Variants in CHD7 observed in about 807,000 individuals in gnomAD.
CHD7 encodes the protein chromodomain helicase DNA binding protein 7.
In CHD7, 24 loss-of-function variants were observed where a neutral mutation model predicts 307.3. The observed-to-expected ratio is 0.08, with a 90% CI of 0.06 to 0.11. The LOEUF is 0.11. CHD7 is among the 10% of genes least tolerant of loss of function. The pLI is 1.00. For synonymous variants in CHD7, 1,363 were observed against 1,349.9 expected (o/e 1.01, Z -0.21); for missense variants, 3,106 against 3,727.1 (o/e 0.83, Z 4.34).
At position 60,845,327 on chromosome 8, in the gene CHD7, G is replaced by A; in HGVS notation, c.5128G>A (p.Ala1710Thr). ...GAGCACACAGCCGGTGGTGCAGGATGCCGACTGGCTGGCCAGCTGCAACCC... is the reference window on the plus strand; with the variant it reads ...GAGCACACAGCCGGTGGTGCAGGATACCGACTGGCTGGCCAGCTGCAACCC... Reference protein sequence around the residue: ...AQSTQPVVQDADWLASCNPDA... With the variant: ...AQSTQPVVQDTDWLASCNPDA... Residue 1710 changes from alanine to threonine, a missense_variant, in exon 23 of 38, where the codon GCC becomes ACC. By Grantham distance (58) the Ala-to-Thr change is moderately conservative. Coordinates refer to ENST00000423902, the MANE Select transcript of CHD7 (RefSeq NM_017780.4). 1 of 1,614,002 alleles carries A rather than the reference G, an allele frequency of 6.2e-7. No individual in the cohort carries two copies. Among genetic ancestry groups the A allele is most frequent in the Non-Finnish European group, 8.5e-7 (1 of 1,179,890 alleles).
chr8:60,751,830 A>G (rs1292339751), intron 2 of CHD7, among the ~76,000 whole-genome samples: 1 of 152,254 alleles, frequency 6.6e-6, no homozygotes, highest in Non-Finnish European at 1.5e-5. Context: ...CAAAATGCCA[A>G]GAAATTGACA....
intron 2 of CHD7, among the ~76,000 whole-genome samples, chr8:60,768,330 C>T (rs1156986541): frequency 6.6e-6 from 1 of 152,198 alleles, no homozygotes; most frequent in Non-Finnish European, 1.5e-5. Context: ...GAAGTTGAGG[C>T]ATCTTGAGTT....
intron 2 of CHD7, among the ~76,000 whole-genome samples, chr8:60,753,294 CTGTG>C (rs1809728293): frequency 6.6e-6 from 1 of 152,212 alleles, no homozygotes; most frequent in Non-Finnish European, 1.5e-5. Flanking sequence ...GAATAAGGCG[CTGTG>C]GGAACCCCTG....
In CHD7 at chr8:60,691,173, C is replaced by T. The variant is rs773881228; in HGVS notation, c.-175+12091C>T. Among the ~76,000 whole-genome samples, 4 of 152,302 alleles carry T rather than the reference C, an allele frequency of 2.6e-5. No individual in the cohort carries two copies. The South Asian group carries it at 6.2e-4, about 24-fold the overall frequency. On this transcript the variant is annotated intron_variant, in intron 1 of 37. Transcript: ENST00000423902. ...ACTCCTCACCTCAGCTGATCCACCTCGGCCTCCCACAGTGCTGGGATTACA... is the reference window on the plus strand; with the variant it reads ...ACTCCTCACCTCAGCTGATCCACCTTGGCCTCCCACAGTGCTGGGATTACA...
chr8:60,764,353 A>C (rs1242236339), intron 2 of CHD7, among the ~76,000 whole-genome samples: 2 of 152,200 alleles, frequency 1.3e-5, no homozygotes, highest in Non-Finnish European at 2.9e-5. Flanking sequence ...AATTATGTAC[A>C]ATGAAATCAC....
intron 2 of CHD7, among the ~76,000 whole-genome samples, chr8:60,777,144 T>TA (rs1215956685): frequency 6.6e-6 from 1 of 152,242 alleles, no homozygotes; most frequent in Admixed American, 6.5e-5. Context: ...AGTACCATGT[T>TA]ATTCTGGTCC....
intron 1 of CHD7, among the ~76,000 whole-genome samples, chr8:60,708,262 C>T (rs1234156945): frequency 6.6e-6 from 1 of 152,170 alleles, no homozygotes; most frequent in Non-Finnish European, 1.5e-5. Context: ...GGCTTTCTCC[C>T]CAACCATTCT....
intron 3 of CHD7, among the ~76,000 whole-genome samples, chr8:60,783,446 T>C (rs935291084): frequency 3.3e-5 from 5 of 152,194 alleles, no homozygotes; most frequent in African/African-American, 1.2e-4. Context: ...GCAAGCCTCA[T>C]AGGCTTGCTG....
At chr8:60,864,559 A>G (rs1806154877) in intron 37 of CHD7, 2 of 184,134 alleles carry the variant, frequency 1.1e-5, no homozygotes, top group South Asian at 2.2e-4. Flanking sequence ...TGTTGGGTAG[A>G]TGAGGTATGC....
intron 1 of CHD7, among the ~76,000 whole-genome samples, chr8:60,701,838 T>A (rs1333673408): frequency 6.6e-6 from 1 of 152,194 alleles, no homozygotes; most frequent in South Asian, 2.1e-4. Flanking sequence ...CCATCATCAT[T>A]TTGGCTTGTT....
chr8:60,828,780 T>A lies in CHD7; in HGVS notation c.3496T>A (p.Phe1166Ile). ...FPSETTFMQE[F>I]GDLKTEEQVQ... ...TTCAGAAACCACATTTATGCAAGAA[T>A]TTGGTGATCTAAAAACAGAAGAGCA... is the stretch of plus-strand genomic sequence containing the variant. Residue 1166 changes from phenylalanine (F) to isoleucine (I), a missense_variant, in exon 14 of 38, where the codon TTT (phenylalanine) becomes ATT (isoleucine). By Grantham distance (21) the Phe-to-Ile change is conservative (BLOSUM62 0). Coordinates refer to ENST00000423902, the MANE Select transcript of CHD7 (RefSeq NM_017780.4). The A allele has an allele frequency of 6.2e-7, 1 of 1,613,696 alleles. No individual in the cohort carries two copies. Among genetic ancestry groups the A allele is most frequent in the Non-Finnish European group, 8.5e-7 (1 of 1,179,724 alleles).
chr8:60,731,527 G>A (rs901952892), intron 1 of CHD7, among the ~76,000 whole-genome samples: 1 of 152,146 alleles, frequency 6.6e-6, no homozygotes, highest in Non-Finnish European at 1.5e-5. Context: ...CGTATCCCCA[G>A]GATGAAGGGG....
intron 23 of CHD7, among the ~76,000 whole-genome samples, chr8:60,848,239 A>G (rs1805297716): frequency 6.6e-6 from 1 of 152,220 alleles, no homozygotes; most frequent in Non-Finnish European, 1.5e-5. Context: ...CACAAGCTGC[A>G]CTAGGTAGAA....
intron 14 of CHD7, among the ~76,000 whole-genome samples, chr8:60,829,410 C>T (rs957311591): frequency 6.6e-6 from 1 of 151,968 alleles, no homozygotes; most frequent in African/African-American, 2.4e-5. Context: ...CCAGCCTGGC[C>T]AATATGGTGA....
Position 60,852,150 on chromosome 8 carries a change from G to A in CHD7, c.5797G>A (p.Ala1933Thr), listed in dbSNP as rs1418642683. The change falls in exon 29 of 38, where the codon GCC becomes ACC. Residue 1933 changes from alanine (A) to threonine (T), a missense_variant. Ala to Thr is a moderately conservative substitution (Grantham distance 58). Coordinates refer to ENST00000423902, the MANE Select transcript of CHD7 (RefSeq NM_017780.4). Reference sequence around the variant, plus strand: ...TAAAAGGCAACAGATGAGGCAAGAGGCCCTAATGAAGACTGACCGGCGCAG... The same window carrying A: ...TAAAAGGCAACAGATGAGGCAAGAGACCCTAATGAAGACTGACCGGCGCAG... The part of the protein sequence containing the change: ...SYKRQQMRQE[A>T]LMKTDRRRRR... 16 of 1,613,906 alleles carry A rather than the reference G, an allele frequency of 9.9e-6. No homozygotes were observed. Among genetic ancestry groups the A allele is most frequent in the Non-Finnish European group, 1.3e-5 (15 of 1,179,908 alleles).
chr8:60,819,228 C>A (rs1803905035), intron 8 of CHD7, among the ~76,000 whole-genome samples: 1 of 152,208 alleles, frequency 6.6e-6, no homozygotes, highest in South Asian at 2.1e-4. Context: ...GCTGAGATTA[C>A]AGGCGTGAGT....
chr8:60,799,128 G>A (rs931130675), intron 4 of CHD7, among the ~76,000 whole-genome samples: 2 of 152,120 alleles, frequency 1.3e-5, no homozygotes, highest in African/African-American at 4.8e-5. Context: ...TTAATATATC[G>A]ATGAACTGCA....
At chr8:60,694,612 T>A (rs1690658104) in intron 1 of CHD7, among the ~76,000 whole-genome samples, 1 of 152,168 alleles carries the variant, frequency 6.6e-6, no homozygotes. Context: ...GCCCAGAACA[T>A]CCTGCAAGGA....
rs1330677850 is a variant in CHD7, at chr8:60,820,058, G to A, written c.2665G>A (p.Asp889Asn). 7 of 1,611,318 alleles carry A rather than the reference G, an allele frequency of 4.3e-6. No individual in the cohort carries two copies. The highest frequency in any genetic ancestry group is 5.9e-6 in the Non-Finnish European group (7 of 1,178,562). Reference protein sequence around the residue: ...PDYVEVDRIMDFARSTDDRGE... With the variant: ...PDYVEVDRIMNFARSTDDRGE... ...TTATGTGGAGGTTGACCGGATAATGGACTTTGCACGTAGCACAGATGACCG... is the reference window on the plus strand; with the variant it reads ...TTATGTGGAGGTTGACCGGATAATGAACTTTGCACGTAGCACAGATGACCG... Residue 889 changes from aspartate (D) to asparagine (N), a missense_variant, in exon 9 of 38, where the codon GAC becomes AAC. Physicochemically the swap from Asp to Asn is conservative, Grantham distance 23 (BLOSUM62 1). This residue lies in a region of CHD7 where 188 missense variants were observed against 261.7 expected (regional missense o/e 0.72). Transcript: ENST00000423902.
Sources: allele counts gnomAD v4.1 joint callset (sites outside exome capture counted in the v4.1 genomes callset), GRCh38; gene constraint gnomAD v4.1.1; regional missense constraint gnomAD v4.1.1; transcripts MANE v1.5; gene names NCBI Gene and HGNC (gene_info 2026-07-23, HGNC 2026-07-21).